Variants in CD8B2 observed in about 807,000 individuals in gnomAD.
CD8B2 encodes the protein CD8B family member 2.
A neutral mutation model predicts 23.7 loss-of-function variants in CD8B2; 11 were observed. That is an observed-to-expected ratio of 0.46 (90% confidence interval 0.29 to 0.77). CD8B2 has a LOEUF of 0.77. Among genes scored for constraint, CD8B2 ranks in the 30% least tolerant of loss-of-function variants. CD8B2 has a pLI of 0.09. For synonymous variants in CD8B2, 90 were observed against 109.3 expected, an observed-to-expected ratio of 0.82 and a Z score of 1.10; for missense variants, 197 against 270.5, an observed-to-expected ratio of 0.73 and a Z score of 1.91.
chr2:106,504,799 A>G (rs1293135456), intron 5 of CD8B2, among the ~76,000 whole-genome samples: 1 of 152,108 alleles, frequency 6.6e-6, no homozygotes, highest in African/African-American at 2.4e-5. Context: ...CTATTATTTC[A>G]TCCCCTTGGT....
At chr2:106,500,574 C>T (rs1164659342) in intron 3 of CD8B2, among the ~76,000 whole-genome samples, 4 of 130,454 alleles carry the variant, frequency 3.1e-5, no homozygotes, top group African/African-American at 8.3e-5. Context: ...TTAAAAAATA[C>T]CAATACCTTT....
intron 5 of CD8B2, chr2:106,521,460 G>T (rs1172945064): frequency 3.3e-5 from 5 of 152,198 alleles, no homozygotes; most frequent in Admixed American, 1.3e-4. Flanking sequence ...AAAAGAAAAT[G>T]ATATGGGGGC....
At chr2:106,543,951 A>G (rs936273669) in intron 5 of CD8B2, 5 of 398,470 alleles carry the variant, frequency 1.3e-5, no homozygotes, top group Non-Finnish European at 2.2e-5. Context: ...ATCTGATTCG[A>G]TTGTTCTTCT....
At chr2:106,505,532 G>T (rs536706847) in intron 5 of CD8B2, among the ~76,000 whole-genome samples, 24 of 152,292 alleles carry the variant, frequency 1.6e-4, no homozygotes, top group South Asian at 6.2e-4. Flanking sequence ...CTGAGTCAGA[G>T]CACAAGCTCA....
At chr2:106,500,416 G>A (rs1362656964) in intron 3 of CD8B2, among the ~76,000 whole-genome samples, 1 of 148,962 alleles carries the variant, frequency 6.7e-6, no homozygotes, top group Non-Finnish European at 1.5e-5. Context: ...CTACTAAGGA[G>A]GCTGAGAAAG....
At chr2:106,503,279 C>A (rs1055492320) in intron 4 of CD8B2, among the ~76,000 whole-genome samples, 10 of 152,172 alleles carry the variant, frequency 6.6e-5, no homozygotes, top group Non-Finnish European at 1.0e-4. Context: ...ATAAAGTGGG[C>A]AGGTGGGACA....
chr2:106,544,038 C>G (rs1680215327), exon 6 of CD8B2: 2 of 398,652 alleles, frequency 5.0e-6, no homozygotes, highest in Non-Finnish European at 8.8e-6. Flanking sequence ...GGATGCCTAG[C>G]AAGGGACTGG....
chr2:106,523,857 G>T (rs1679866491), intron 5 of CD8B2, among the ~76,000 whole-genome samples: 1 of 152,178 alleles, frequency 6.6e-6, no homozygotes, highest in South Asian at 2.1e-4. Context: ...AAGATGAATT[G>T]CTTTCTCATT....
intron 5 of CD8B2, among the ~76,000 whole-genome samples, chr2:106,537,435 G>A (rs909949383): frequency 3.3e-5 from 5 of 151,820 alleles, no homozygotes; most frequent in African/African-American, 1.2e-4. Flanking sequence ...ATGGTTCAAC[G>A]CCACCAAGAC....
At position 106,500,514 on chromosome 2, in the gene CD8B2, C is replaced by A. The variant is rs528154642; in HGVS notation, c.494-1960C>A. On this transcript the variant is annotated intron_variant, in intron 3 of 5. Transcript: ENST00000643224. ...AGCCTGGGCAACAACAGCAAAACTC[C>A]GTCTCAAAAATAAATAAATAAATAA... 1.8e-4 allele frequency among the ~76,000 whole-genome samples: 20 copies of A among 109,020 alleles called. No individual in the cohort carries two copies. In the East Asian group the frequency reaches 4.2e-3, roughly 23 times the overall value. 71.5% of individuals were successfully genotyped at this position (109,020 alleles called of 152,430 possible).
At position 106,487,399 on chromosome 2, in the gene CD8B2, C is replaced by A. The variant is rs1262478301; in HGVS notation, c.-28C>A. The A allele has an allele frequency of 2.5e-6, 3 of 1,221,352 alleles. No individual in the cohort carries two copies. The highest frequency in any genetic ancestry group is 3.1e-6 in the Non-Finnish European group (3 of 977,752). 75.7% of individuals were successfully genotyped at this position (1,221,352 alleles called of 1,614,324 possible). Reference sequence around the variant, plus strand: ...GCCGCGACTGTCTCCGCCGAGCCCCCGGGGCCAGGTGTCCCGGGCGCGCCC... The same window carrying A: ...GCCGCGACTGTCTCCGCCGAGCCCCAGGGGCCAGGTGTCCCGGGCGCGCCC... On this transcript the variant is annotated 5_prime_UTR_variant, in exon 1 of 6. Coordinates refer to ENST00000643224, the MANE Select transcript of CD8B2 (RefSeq NM_001349727.2).
intron 3 of CD8B2, among the ~76,000 whole-genome samples, chr2:106,496,758 G>A (rs1679307681): frequency 6.6e-6 from 1 of 151,740 alleles, no homozygotes; most frequent in Non-Finnish European, 1.5e-5. Flanking sequence ...AAGGCTGGGG[G>A]CTTGGGAAAG....
chr2:106,517,117 A>G (rs1003210037), intron 5 of CD8B2, among the ~76,000 whole-genome samples: 2 of 151,564 alleles, frequency 1.3e-5, no homozygotes, highest in Middle Eastern at 3.2e-3. Context: ...CTCAAATTTT[A>G]TTATTATTTA....
chr2:106,490,947 G>A lies in CD8B2; in HGVS notation c.117G>A (p.Leu39=), dbSNP rs552859182. ...TGCAAACCAACAAGATGGTGATGCT[G>A]TCCTGCGAGGCTAAAATCTCCCTCA... is the stretch of plus-strand genomic sequence containing the variant. ...IKVQTNKMVM[L]SCEAKISLSN... Residue 39 remains leucine (L), a synonymous_variant, in exon 2 of 6, where the codon CTG becomes CTA. Coordinates refer to ENST00000643224, the MANE Select transcript of CD8B2 (RefSeq NM_001349727.2). 27 of 1,613,842 alleles carry A rather than the reference G, an allele frequency of 1.7e-5. No homozygotes were observed. In the South Asian group the frequency reaches 3.0e-4, roughly 18 times the overall value.
Position 106,523,594 on chromosome 2 carries a change from C to A in CD8B2, c.620+19269C>A, listed in dbSNP as rs566334578. Among the ~76,000 whole-genome samples the A allele has an allele frequency of 3.3e-5, 5 of 152,196 alleles. No individual in the cohort carries two copies. The South Asian group carries it at 8.3e-4, about 25-fold the overall frequency. ...CAATGTTTGGCTTTCTAGGGTTGGT[C>A]CTACATTGAAAGTTGGTGTTACAAG... On this transcript the variant is annotated intron_variant, in intron 5 of 5. Transcript: ENST00000416057.
intron 5 of CD8B2, among the ~76,000 whole-genome samples, chr2:106,517,143 T>G: frequency 6.6e-6 from 1 of 151,878 alleles, no homozygotes. Context: ...CTAGCTTCCT[T>G]CCATATTTTT....
At chr2:106,512,769 A>C (rs563090472), downstream of CD8B2, among the ~76,000 whole-genome samples, 1 of 152,262 alleles carries the variant, frequency 6.6e-6, no homozygotes, top group East Asian at 1.9e-4. Flanking sequence ...ATGCTGGTTC[A>C]AATATATCTA....
intron 5 of CD8B2, among the ~76,000 whole-genome samples, chr2:106,533,358 G>T (rs556057590): frequency 4.7e-4 from 72 of 152,320 alleles, no homozygotes; most frequent in South Asian, 1.9e-3. Flanking sequence ...AGCAGACCAG[G>T]ATTTAAAACT....
intron 5 of CD8B2, chr2:106,521,980 A>G (rs1273066133): frequency 6.6e-6 from 1 of 152,224 alleles, no homozygotes; most frequent in Non-Finnish European, 1.5e-5. Flanking sequence ...GCTGGCCTGG[A>G]GCATGCTCGG....
Sources: gnomAD v4.1 joint callset for allele counts (sites outside exome capture counted in the v4.1 genomes callset) on GRCh38, gnomAD v4.1.1 for gene constraint, MANE v1.5 for transcripts, NCBI Gene and HGNC (gene_info 2026-07-23, HGNC 2026-07-21) for gene names.